TRPM5: variants seen among roughly 807,000 people sequenced by gnomAD.
The protein encoded by TRPM5 is MLSN1 and TRP-related.
In TRPM5, 121 loss-of-function variants were observed where a neutral mutation model predicts 124.9. The observed-to-expected ratio is 0.97, with a 90% CI of 0.84 to 1.13. The LOEUF (loss-of-function observed/expected upper bound fraction) is 1.13. Among genes scored for constraint, TRPM5 ranks in the 50% most tolerant of loss-of-function variants. The pLI is 0.00. For synonymous variants in TRPM5, 781 were observed against 700.5 expected (o/e 1.11, Z -1.81); for missense variants, 1,643 against 1,589.1 (o/e 1.03, Z -0.58).
the TRPM5 span, among the ~76,000 whole-genome samples, chr11:2,437,021 C>T: frequency 6.6e-6 from 1 of 152,222 alleles, no homozygotes; most frequent in Admixed American, 6.5e-5. This position sits in a 1 kb window ranked among gnomAD's most constrained non-coding sequence, Gnocchi z 5.6. Context: ...CAGGGTGTAG[C>T]TCCCCACCTC....
At chr11:2,420,903 C>T in intron 3 of TRPM5, 129 bp downstream of exon 8, 1 of 1,115,824 alleles carries the variant, frequency 9.0e-7, no homozygotes. Flanking sequence ...CGTGTGCTGG[C>T]TCTGCCCGCT....
upstream of TRPM5, among the ~76,000 whole-genome samples, chr11:2,426,802 T>C (rs900682065): frequency 4.6e-5 from 7 of 152,164 alleles, no homozygotes; most frequent in Non-Finnish European, 8.8e-5. Context: ...GGTCCCTGCG[T>C]GCAGCAGGCT....
chr11:2,421,224 T>G, intron 2 of TRPM5, 26 bp from the exon 8 acceptor site: 2 of 1,526,382 alleles, frequency 1.3e-6, no homozygotes, highest in Non-Finnish European at 1.8e-6. Flanking sequence ...AGGGCCTCGT[T>G]GTGCCGCACG....
exon 24 of TRPM5, chr11:2,404,930 A>G: frequency 6.2e-7 from 1 of 1,610,506 alleles, no homozygotes; most frequent in Non-Finnish European, 8.5e-7. Flanking sequence ...GTGGCAGGCC[A>G]AGCAGCTCAG....
intron 3 of TRPM5, 121 bp from the exon 9 acceptor site, chr11:2,420,526 C>T (rs1362675985): frequency 1.9e-6 from 2 of 1,039,428 alleles, no homozygotes; most frequent in East Asian, 5.4e-5. Flanking sequence ...AAGGCTTCTG[C>T]CCGAGCCTTG....
chr11:2,416,031 G>T lies in TRPM5; in HGVS notation c.1010-7C>A. 1 of 1,589,752 alleles carries T rather than the reference G, an allele frequency of 6.3e-7. No individual in the cohort carries two copies. Among genetic ancestry groups the T allele is most frequent in the Non-Finnish European group, 8.6e-7 (1 of 1,166,616 alleles). On this transcript the variant is annotated splice_polypyrimidine_tract_variant and splice_region_variant and intron_variant, in intron 7 of 23. Transcript: ENST00000155858. ...TGGCTGTGGCTCTTGCAGGCTGTGG[G>T]CAGAGCAGGCAGGCACTGGTGAGGG...
the TRPM5 span, among the ~76,000 whole-genome samples, chr11:2,430,226 G>A: frequency 6.6e-6 from 1 of 151,102 alleles, no homozygotes; most frequent in Non-Finnish European, 1.5e-5. Flanking sequence ...AACTCCTGCT[G>A]GCTCCCTCTT....
chr11:2,443,849 T>G, the TRPM5 span, among the ~76,000 whole-genome samples: 1 of 118,818 alleles, frequency 8.4e-6, no homozygotes, highest in East Asian at 3.1e-4. The surrounding 1 kb of genome is among the most constrained non-coding windows in gnomAD (Gnocchi z 5.0). Flanking sequence ...TGAGACGTGC[T>G]GAGACCCAAA....
exon 12 of TRPM5, chr11:2,414,181 G>C (rs756084916): frequency 6.2e-7 from 1 of 1,610,016 alleles, no homozygotes. Context: ...GGGCCTCACT[G>C]TTGCTGTAGC....
At chr11:2,419,095 G>C (rs1356710162) in intron 4 of TRPM5, among the ~76,000 whole-genome samples, 8 of 152,176 alleles carry the variant, frequency 5.3e-5, no homozygotes, top group Admixed American at 3.9e-4. Flanking sequence ...CCTGTCTTCT[G>C]TGAGGGAGTG....
exon 20 of TRPM5, chr11:2,407,126 C>T (rs748967589): frequency 8.6e-6 from 13 of 1,510,748 alleles, no homozygotes; most frequent in Admixed American, 3.7e-5. Flanking sequence ...CACCCAGGTG[C>T]TCCCGCTTGT....
At chr11:2,418,038 G>T in intron 6 of TRPM5, 129 bp downstream of exon 11, 1 of 1,009,790 alleles carries the variant, frequency 9.9e-7, no homozygotes, top group Non-Finnish European at 1.4e-6. Flanking sequence ...TGAAGCGAGA[G>T]TGGGTGGGGG....
intron 18 of TRPM5, 21 bp downstream of exon 23, chr11:2,411,331 C>T (rs746106861): frequency 1.1e-5 from 17 of 1,549,838 alleles, no homozygotes; most frequent in Non-Finnish European, 1.5e-5. Context: ...CTGCCCCTGC[C>T]CCCGCTGGCT....
chr11:2,416,054 G>C, intron 7 of TRPM5, 30 bp from the exon 13 acceptor site: 1 of 1,548,622 alleles, frequency 6.5e-7, no homozygotes, highest in Non-Finnish European at 8.8e-7. Flanking sequence ...GCACTGGTGA[G>C]GGTGGAGCTG....
At chr11:2,416,161 G>A (rs73415589) in intron 7 of TRPM5, 137 bp from the exon 13 acceptor site, 94 of 616,792 alleles carry the variant, frequency 1.5e-4, no homozygotes, top group African/African-American at 6.8e-4. Flanking sequence ...GGGCACATGC[G>A]CCACCTCTGA....
At chr11:2,438,325 T>A in the TRPM5 span, among the ~76,000 whole-genome samples, 2 of 152,158 alleles carry the variant, frequency 1.3e-5, no homozygotes, top group East Asian at 1.9e-4. This position sits in a 1 kb window ranked among gnomAD's most constrained non-coding sequence, Gnocchi z 5.9. Flanking sequence ...TACCTAGGAA[T>A]ACATCTAACC....
At chr11:2,433,140 G>A in the TRPM5 span, among the ~76,000 whole-genome samples, 2 of 152,238 alleles carry the variant, frequency 1.3e-5, no homozygotes, top group Non-Finnish European at 2.9e-5. Context: ...ACTCTGGGAG[G>A]GCAACCTTGA....
At chr11:2,412,400 G>A (rs1400118777) in intron 15 of TRPM5, 147 bp from the exon 21 acceptor site, 4 of 683,492 alleles carry the variant, frequency 5.9e-6, no homozygotes, top group African/African-American at 3.6e-5. Flanking sequence ...GTCCACTGAA[G>A]CTATTCCAGG....
the TRPM5 span, among the ~76,000 whole-genome samples, chr11:2,443,589 A>T: frequency 6.6e-6 from 1 of 152,202 alleles, no homozygotes; most frequent in South Asian, 2.1e-4. The surrounding 1 kb of genome is among the most constrained non-coding windows in gnomAD (Gnocchi z 5.0). Flanking sequence ...GTGGGGAGTC[A>T]GGCGTCAAGG....
Sources: allele counts gnomAD v4.1 joint callset (sites outside exome capture counted in the v4.1 genomes callset), GRCh38; gene constraint gnomAD v4.1.1; non-coding constraint Gnocchi (gnomAD v3.1); transcripts MANE v1.5; gene names NCBI Gene and HGNC (gene_info 2026-07-23, HGNC 2026-07-21).